Variants in SLC38A9 observed in about 807,000 individuals in gnomAD.
SLC38A9 encodes the protein neutral amino acid transporter 9.
SLC38A9 carries 48 observed loss-of-function variants against 62.3 expected under a neutral mutation model. The ratio of observed to expected loss-of-function variants is 0.77; its 90% CI spans 0.61 to 0.98. SLC38A9 has a LOEUF of 0.98. Among genes scored for constraint, SLC38A9 ranks in the 50% least tolerant of loss-of-function variants. SLC38A9 has a pLI of 0.00. For synonymous variants in SLC38A9, 204 were observed against 227.7 expected (o/e 0.90, Z 0.94); for missense variants, 541 against 679.8 (o/e 0.80, Z 2.27).
chr5:55,700,577 CA>C (rs1183733820), intron 2 of SLC38A9, among the ~76,000 whole-genome samples: 2 of 151,650 alleles, frequency 1.3e-5, no homozygotes, highest in Non-Finnish European at 2.9e-5. Context: ...TAAAGGAAAG[CA>C]AAAGAGGAGA....
chr5:55,632,370 G>A (rs191544101), intron 14 of SLC38A9, among the ~76,000 whole-genome samples: 44 of 152,272 alleles, frequency 2.9e-4, no homozygotes, highest in African/African-American at 1.0e-3. Flanking sequence ...CCCGGGAGGT[G>A]GAGCTTGCAG....
At chr5:55,653,962 G>A (rs375528468) in intron 9 of SLC38A9, among the ~76,000 whole-genome samples, 1 of 152,070 alleles carries the variant, frequency 6.6e-6, no homozygotes, top group Non-Finnish European at 1.5e-5. Flanking sequence ...GGGCCTAAAC[G>A]TATGTTTCTT....
chr5:55,696,716 C>CCCCG (rs1755846276), intron 3 of SLC38A9: 1 of 146,156 alleles, frequency 6.8e-6, no homozygotes, highest in Non-Finnish European at 1.5e-5. Context: ...CCCCCACCTC[C>CCCCG]CTCCCGGACG....
chr5:55,679,723 C>A (rs1752722862), intron 3 of SLC38A9, among the ~76,000 whole-genome samples: 1 of 152,028 alleles, frequency 6.6e-6, no homozygotes, highest in African/African-American at 2.4e-5. Flanking sequence ...AGTAACACCA[C>A]CACCACCACT....
chr5:55,669,501 T>G, intron 6 of SLC38A9, 56 bp downstream of exon 6: 1 of 1,476,920 alleles, frequency 6.8e-7, no homozygotes, highest in South Asian at 1.2e-5. Context: ...TTATAAAACT[T>G]ACAATATAAA....
intron 2 of SLC38A9, among the ~76,000 whole-genome samples, chr5:55,708,801 C>A (rs1194154079): frequency 1.3e-5 from 2 of 152,178 alleles, no homozygotes; most frequent in Non-Finnish European, 2.9e-5. Context: ...TCTGCAGCTA[C>A]TCAATTCTAC....
intron 3 of SLC38A9, chr5:55,691,280 T>C: frequency 6.9e-7 from 1 of 1,456,522 alleles, no homozygotes; most frequent in Non-Finnish European, 9.3e-7. Context: ...AATACCAAGC[T>C]GACAACAGAG....
rs115842860 is a variant in SLC38A9, at chr5:55,672,626, G to A, written c.183C>T (p.Ala61=). ...NHVIQRVSDH[A]SAMNKRIHYY... Reference sequence around the variant, plus strand: ...AATGAATTCTCTTGTTCATGGCAGAGGCATGGTCACTAACCCTCTGAATGA... The same window carrying A: ...AATGAATTCTCTTGTTCATGGCAGAAGCATGGTCACTAACCCTCTGAATGA... Residue 61 remains alanine (A), a synonymous_variant, in exon 4 of 16, where the codon GCC becomes GCT. Transcript: ENST00000396865. 1,845 of 1,614,120 alleles carry A rather than the reference G, an allele frequency of 1.1e-3. 18 individuals carry two copies. The African/African-American group carries it at 0.023, about 20-fold the overall frequency.
intron 2 of SLC38A9, among the ~76,000 whole-genome samples, chr5:55,700,059 G>T (rs1431565015): frequency 6.6e-6 from 1 of 151,658 alleles, no homozygotes; most frequent in African/African-American, 2.4e-5. Flanking sequence ...AATAATTACA[G>T]CTGGGCACAG....
intron 7 of SLC38A9, among the ~76,000 whole-genome samples, chr5:55,665,880 T>G (rs751387526): frequency 3.9e-5 from 6 of 152,142 alleles, no homozygotes; most frequent in Non-Finnish European, 7.3e-5. Context: ...GGAGGATCCC[T>G]TGAGACCAGG....
chr5:55,645,752 G>A lies in SLC38A9; in HGVS notation c.1167+37C>T, dbSNP rs775278604. 5.0e-6 allele frequency: 7 copies of A among 1,393,802 alleles called. No individual in the cohort carries two copies. In the Admixed American group the frequency reaches 1.3e-4, roughly 26 times the overall value. The allele number at this position is 1,393,802 out of a possible 1,614,324, so 86.3% of individuals were successfully genotyped here. A position where few individuals can be genotyped will look rare whatever the true frequency, so the allele number is the denominator to read the frequency against. On this transcript the variant is annotated intron_variant, in intron 12 of 15. Coordinates refer to ENST00000396865, the MANE Select transcript of SLC38A9 (RefSeq NM_173514.4). ...TACTGACTTAAAAAATTTATCCTCG[G>A]GAGATACAAAAGTCAATTCCAAAGA...
chr5:55,646,745 A>T (rs533965373), intron 11 of SLC38A9, among the ~76,000 whole-genome samples: 91 of 152,126 alleles, frequency 6.0e-4, no homozygotes, highest in African/African-American at 2.1e-3. Flanking sequence ...CTGTGATTTT[A>T]CTTTTTATTG....
intron 2 of SLC38A9, among the ~76,000 whole-genome samples, chr5:55,706,437 G>A (rs11749532): frequency 0.25 from 37,873 of 152,068 alleles, 5,833 homozygotes; most frequent in South Asian, 0.41. Context: ...GGAAAGAGGA[G>A]AAATCTAGAA....
At chr5:55,666,632 C>T (rs894890253) in intron 7 of SLC38A9, among the ~76,000 whole-genome samples, 9 of 152,202 alleles carry the variant, frequency 5.9e-5, no homozygotes, top group Admixed American at 2.0e-4. Context: ...GTGGCTCATG[C>T]CTGTAATCCC....
intron 11 of SLC38A9, 38 bp from the exon 12 acceptor site, chr5:55,645,933 A>C: frequency 3.6e-6 from 5 of 1,376,750 alleles, no homozygotes; most frequent in African/African-American, 1.5e-5. Flanking sequence ...TAAAACTGAC[A>C]ATTAGAAAAT....
intron 6 of SLC38A9, 118 bp from the exon 7 acceptor site, chr5:55,669,439 A>G: frequency 3.9e-6 from 5 of 1,287,286 alleles, no homozygotes; most frequent in Non-Finnish European, 5.4e-6. Context: ...AAAACTAAAT[A>G]TAACCATCTA....
intron 11 of SLC38A9, 142 bp from the exon 12 acceptor site, chr5:55,646,037 G>A (rs991707693): frequency 9.7e-6 from 6 of 615,704 alleles, no homozygotes; most frequent in Non-Finnish European, 1.7e-5. Context: ...AAAGTTCCTC[G>A]AGGCCAGCAT....
intron 3 of SLC38A9, among the ~76,000 whole-genome samples, chr5:55,682,558 T>A (rs1753177659): frequency 6.6e-6 from 1 of 152,186 alleles, no homozygotes; most frequent in East Asian, 1.9e-4. Flanking sequence ...GAGGACTGAT[T>A]GAGGCCGGGA....
At chr5:55,671,306 T>C (rs1465743353) in intron 4 of SLC38A9, among the ~76,000 whole-genome samples, 1 of 151,988 alleles carries the variant, frequency 6.6e-6, no homozygotes, top group East Asian at 1.9e-4. Context: ...GCCTCTTTCC[T>C]GAGAATGGTT....
Sources: allele counts gnomAD v4.1 joint callset (sites outside exome capture counted in the v4.1 genomes callset), GRCh38; gene constraint gnomAD v4.1.1; transcripts MANE v1.5; gene names NCBI Gene and HGNC (gene_info 2026-07-23, HGNC 2026-07-21).